GTSE1: variants seen among roughly 807,000 people sequenced by gnomAD.
GTSE1 encodes G2 and S phase-expressed protein 1.
GTSE1 carries 52 observed loss-of-function variants against 60.5 expected under a neutral mutation model. The ratio of observed to expected loss-of-function variants is 0.86; its 90% CI spans 0.69 to 1.08. The LOEUF is 1.08. Ranked by LOEUF, GTSE1 falls within the 50% of genes least tolerant of loss-of-function variation. The pLI, the probability that GTSE1 is intolerant of heterozygous loss-of-function variation, is 0.00. For missense variants in GTSE1, 937 were observed against 961.8 expected (o/e 0.97, Z 0.34); for synonymous variants, 368 against 386.5 (o/e 0.95, Z 0.56).
rs989656621 is a variant in GTSE1 at position 46,318,248 on chromosome 22, G to C, written c.1432+1836G>C. 6.6e-6 allele frequency among the ~76,000 whole-genome samples: 1 copy of C among 152,214 alleles called. No individual in the cohort carries two copies. The highest frequency in any genetic ancestry group is 6.5e-5 in the Admixed American group (1 of 15,288). On this transcript the variant is annotated intron_variant, in intron 7 of 11. Transcript: ENST00000454366. The surrounding 1 kb of genome is among the most constrained non-coding windows in gnomAD (Gnocchi z 4.8). ...TGAGAGGAGCGTCCTGGCCTCCTCT[G>C]TCAGGCAGATCTGCCCTCTGGGTGC...
At position 46,304,407 on chromosome 22, in the gene GTSE1, C is replaced by G. The variant is rs1009072221; in HGVS notation, c.80-3743C>G. Among the ~76,000 whole-genome samples, 3 of 152,200 alleles carry G rather than the reference C, an allele frequency of 2.0e-5. No homozygotes were observed. Among genetic ancestry groups the G allele is most frequent in the Non-Finnish European group, 4.4e-5 (3 of 68,044 alleles). On this transcript the variant is annotated intron_variant, in intron 2 of 11. Coordinates refer to ENST00000454366, the MANE Select transcript of GTSE1 (RefSeq NM_016426.7). This position sits in a 1 kb window ranked among gnomAD's most constrained non-coding sequence, Gnocchi z 4.4. ...TGACGTTATCCCACTGAACCTAATG[C>G]TGGCTTTGGGTTGAGATGGGGATTT... is the stretch of plus-strand genomic sequence containing the variant.
chr22:46,306,406 C>T (rs568814594), intron 2 of GTSE1, among the ~76,000 whole-genome samples: 12 of 152,152 alleles, frequency 7.9e-5, no homozygotes, highest in African/African-American at 2.4e-4. Context: ...TGGTCTTGAT[C>T]TCCTGACCTC....
chr22:46,320,274 C>T lies in GTSE1; in HGVS notation c.1433-2916C>T, dbSNP rs2077804898. Reference sequence around the variant, plus strand: ...TTCCCAGAGCGTGTCCCTGCGGTCTCCTTACGCACCTCTCAGATGTGCATT... The same window carrying T: ...TTCCCAGAGCGTGTCCCTGCGGTCTTCTTACGCACCTCTCAGATGTGCATT... On this transcript the variant is annotated intron_variant, in intron 7 of 11. Transcript: ENST00000454366. This position sits in a 1 kb window ranked among gnomAD's most constrained non-coding sequence, Gnocchi z 7.1. 6.6e-6 allele frequency among the ~76,000 whole-genome samples: 1 copy of T among 152,228 alleles called. No individual in the cohort carries two copies.
In GTSE1 at chr22:46,316,468, T is replaced by G. The variant is rs898356662; in HGVS notation, c.1432+56T>G. On this transcript the variant is annotated intron_variant, in intron 7 of 11. Coordinates refer to ENST00000454366, the MANE Select transcript of GTSE1 (RefSeq NM_016426.7). The surrounding 1 kb of genome is among the most constrained non-coding windows in gnomAD (Gnocchi z 5.0). Reference sequence around the variant, plus strand: ...TAAAAAATACTGAAGAAATTGCATTTAAAGTTTTAAACAATTATTGATGGC... The same window carrying G: ...TAAAAAATACTGAAGAAATTGCATTGAAAGTTTTAAACAATTATTGATGGC... The G allele has an allele frequency of 6.0e-6, 7 of 1,161,374 alleles. No homozygotes were observed. The highest frequency in any genetic ancestry group is 8.6e-6 in the Non-Finnish European group (7 of 813,300). 71.9% of individuals were successfully genotyped at this position (1,161,374 alleles called of 1,614,324 possible).
rs201596230 is a variant in GTSE1, at chr22:46,329,419, C to G, written c.1988C>G (p.Pro663Arg). ...GTCACTCCAGATGCTGCAAGCCAGC[C>G]CCTCATTGACCTTCCTCTCATCGAC... ...LAVTPDAASQ[P>R]LIDLPLIDFC... The change falls in exon 11 of 12, where the codon CCC (proline) becomes CGC (arginine). Residue 663 changes from proline to arginine, a missense_variant. Physicochemically the swap from Pro to Arg is moderately radical, Grantham distance 103 (BLOSUM62 -2). Transcript: ENST00000454366. This position sits in a 1 kb window ranked among gnomAD's most constrained non-coding sequence, Gnocchi z 6.4. 120 of 1,614,192 alleles carry G rather than the reference C, an allele frequency of 7.4e-5. No individual in the cohort carries two copies. The East Asian group carries it at 1.5e-3, about 20-fold the overall frequency.
chr22:46,329,192 G>A lies in GTSE1; in HGVS notation c.1927-166G>A. On this transcript the variant is annotated intron_variant, in intron 10 of 11. Coordinates refer to ENST00000454366, the MANE Select transcript of GTSE1 (RefSeq NM_016426.7). The surrounding 1 kb of genome is among the most constrained non-coding windows in gnomAD (Gnocchi z 6.4). ...GACAGGGAGGTGGGCAACAGTCAGA[G>A]AGGCACGGCCCACCCCATACAGAGC... The A allele has an allele frequency of 4.3e-6, 3 of 697,752 alleles. No individual in the cohort carries two copies. The highest frequency in any genetic ancestry group is 7.6e-6 in the Non-Finnish European group (3 of 392,338). The allele number at this position is 697,752 out of a possible 1,614,324, so 43.2% of individuals were successfully genotyped here. A position where few individuals can be genotyped will look rare whatever the true frequency, so the allele number is the denominator to read the frequency against.
intron 2 of GTSE1, among the ~76,000 whole-genome samples, chr22:46,307,518 T>C (rs1214097811): frequency 6.6e-6 from 1 of 151,980 alleles, no homozygotes; most frequent in African/African-American, 2.4e-5. Flanking sequence ...TTTCTTTTTT[T>C]TTTGAGACAG....
At chr22:46,299,068 C>T (rs954120860) in intron 2 of GTSE1, among the ~76,000 whole-genome samples, 1 of 152,234 alleles carries the variant, frequency 6.6e-6, no homozygotes, top group Non-Finnish European at 1.5e-5. Context: ...TTCCACATTG[C>T]TGAATCTCTT....
intron 5 of GTSE1, among the ~76,000 whole-genome samples, chr22:46,312,726 G>T (rs998009088): frequency 7.2e-5 from 11 of 151,936 alleles, no homozygotes; most frequent in Admixed American, 5.9e-4. Context: ...TACTGGCTTC[G>T]CAGTGTGCAC....
At chr22:46,298,417 C>T (rs1279343750) in intron 2 of GTSE1, among the ~76,000 whole-genome samples, 5 of 151,938 alleles carry the variant, frequency 3.3e-5, no homozygotes, top group South Asian at 4.2e-4. Flanking sequence ...AAGCGATTCT[C>T]CTGCCTCAGC....
chr22:46,326,521 C>T lies in GTSE1; in HGVS notation c.1591C>T (p.Pro531Ser), dbSNP rs1393426138. Residue 531 changes from proline (P) to serine (S), a missense_variant, in exon 9 of 12, where the codon CCC (proline) becomes TCC (serine). Pro to Ser is a moderately conservative substitution (Grantham distance 74). Transcript: ENST00000454366. ...LLSAWRVSAL[P>S]TPASRRCSGL... Reference sequence around the variant, plus strand: ...GAGCGCATGGCGTGTGTCAGCCTTGCCCACACCCGCCAGCCGGCGCTGCTC... The same window carrying T: ...GAGCGCATGGCGTGTGTCAGCCTTGTCCACACCCGCCAGCCGGCGCTGCTC... 1.9e-6 allele frequency: 3 copies of T among 1,613,904 alleles called. No homozygotes were observed. The highest frequency in any genetic ancestry group is 2.2e-5 in the East Asian group (1 of 44,898).
chr22:46,303,040 C>T (rs2147813236), intron 2 of GTSE1, among the ~76,000 whole-genome samples: 1 of 152,128 alleles, frequency 6.6e-6, no homozygotes, highest in Non-Finnish European at 1.5e-5. Flanking sequence ...GCTGGGACTA[C>T]AGGCACCTGC....
At chr22:46,301,528 C>G (rs569494842) in intron 2 of GTSE1, among the ~76,000 whole-genome samples, 22 of 151,422 alleles carry the variant, frequency 1.5e-4, no homozygotes, top group Admixed American at 3.3e-4. Context: ...CCTTTTGTCC[C>G]CTAGGCTGGA....
At position 46,328,671 on chromosome 22, in the gene GTSE1, T is replaced by A; in HGVS notation, c.1725-17T>A. 1 of 1,594,584 alleles carries A rather than the reference T, an allele frequency of 6.3e-7. No homozygotes were observed. Among genetic ancestry groups the A allele is most frequent in the South Asian group, 1.1e-5 (1 of 90,626 alleles). On this transcript the variant is annotated splice_polypyrimidine_tract_variant and intron_variant, in intron 9 of 11. Coordinates refer to ENST00000454366, the MANE Select transcript of GTSE1 (RefSeq NM_016426.7). ...ATTTTAGAGACATTTTCTCATAAGT[T>A]TTTTTCCTTCCCACAGAACTGAACC... is the stretch of plus-strand genomic sequence containing the variant.
At chr22:46,300,256 C>T (rs1273670016) in intron 2 of GTSE1, among the ~76,000 whole-genome samples, 1 of 152,012 alleles carries the variant, frequency 6.6e-6, no homozygotes, top group Non-Finnish European at 1.5e-5. Flanking sequence ...AGCCACCGTG[C>T]CCAGCTAAGT....
At position 46,308,475 on chromosome 22, in the gene GTSE1, C is replaced by T. The variant is rs200946263; in HGVS notation, c.294C>T (p.Phe98=). The T allele has an allele frequency of 1.9e-5, 30 of 1,614,162 alleles. No homozygotes were observed. In the East Asian group the frequency reaches 3.6e-4, roughly 19 times the overall value. Residue 98 remains phenylalanine (F), a synonymous_variant, in exon 4 of 12, where the codon TTC becomes TTT. Transcript: ENST00000454366. ...FAWSPLAGEK[F]VEVYKEAHLL... The stretch of plus-strand genomic sequence containing the variant: ...GGAGCCCTCTGGCCGGGGAGAAGTT[C>T]GTGGAGGTGTACAAAGAAGCTCACT...
Position 46,316,140 on chromosome 22 carries a change from C to G in GTSE1, c.1160C>G (p.Ala387Gly). 2 of 1,609,398 alleles carry G rather than the reference C, an allele frequency of 1.2e-6. No homozygotes were observed. Among genetic ancestry groups the G allele is most frequent in the Non-Finnish European group, 1.7e-6 (2 of 1,176,746 alleles). ...GCCATGCTGCGGCCAGCTCTGCCTGCAGGCCCTGTGGGGGCATCCTCCTGG... is the reference window on the plus strand; with the variant it reads ...GCCATGCTGCGGCCAGCTCTGCCTGGAGGCCCTGTGGGGGCATCCTCCTGG... ...GPAMLRPALP[A>G]GPVGASSWQA... Residue 387 changes from alanine to glycine, a missense_variant, in exon 7 of 12, where the codon GCA becomes GGA. Transcript: ENST00000454366. This position sits in a 1 kb window ranked among gnomAD's most constrained non-coding sequence, Gnocchi z 5.0.
In GTSE1 at chr22:46,304,870, T is replaced by G. The variant is rs2077707678; in HGVS notation, c.80-3280T>G. Among the ~76,000 whole-genome samples the G allele has an allele frequency of 6.6e-6, 1 of 152,308 alleles. No homozygotes were observed. Among genetic ancestry groups the G allele is most frequent in the African/African-American group, 2.4e-5 (1 of 41,566 alleles). On this transcript the variant is annotated intron_variant, in intron 2 of 11. Transcript: ENST00000454366. The surrounding 1 kb of genome is among the most constrained non-coding windows in gnomAD (Gnocchi z 4.4). ...TGTGCGTGCCTGTAGTCCCAGCTAC[T>G]CGGGAAGCCGAGACAGGAGGATCCC...
chr22:46,313,998 C>G lies in GTSE1; in HGVS notation c.1036C>G (p.Pro346Ala), dbSNP rs1464328516. 6.2e-7 allele frequency: 1 copy of G among 1,614,160 alleles called. No homozygotes were observed. Among genetic ancestry groups the G allele is most frequent in the Admixed American group, 1.7e-5 (1 of 60,016 alleles). Residue 346 changes from proline to alanine, a missense_variant, in exon 6 of 12, where the codon CCA becomes GCA. Coordinates refer to ENST00000454366, the MANE Select transcript of GTSE1 (RefSeq NM_016426.7). The surrounding 1 kb of genome is among the most constrained non-coding windows in gnomAD (Gnocchi z 4.4). Reference sequence around the variant, plus strand: ...CGGGGCATCCAGTGCGTGCACATCCCCAGCAGTGGGCAAAGGTGAGGCAGC... The same window carrying G: ...CGGGGCATCCAGTGCGTGCACATCCGCAGCAGTGGGCAAAGGTGAGGCAGC... The part of the protein sequence containing the change: ...WSGASSACTS[P>A]AVGKAKSSEF...
Sources: gnomAD v4.1 joint callset for allele counts (sites outside exome capture counted in the v4.1 genomes callset) on GRCh38, gnomAD v4.1.1 for gene constraint, Gnocchi (gnomAD v3.1) non-coding constraint, MANE v1.5 for transcripts, NCBI Gene and HGNC (gene_info 2026-07-23, HGNC 2026-07-21) for gene names.